The following STK32A variants were observed in gnomAD, a reference collection of about 807,000 sequenced individuals.
STK32A encodes serine/threonine-protein kinase 32A.
A neutral mutation model predicts 53.2 loss-of-function variants in STK32A; 41 were observed. That is an observed-to-expected ratio of 0.77 (90% CI 0.60 to 1.00). The LOEUF is 1.00. Ranked by LOEUF, STK32A falls within the 50% of genes least tolerant of loss-of-function variation. The pLI, the probability that STK32A is intolerant of heterozygous loss-of-function variation, is 0.00. For missense variants in STK32A, 458 were observed against 485.8 expected (o/e 0.94, Z 0.54); for synonymous variants, 166 against 162.8 (o/e 1.02, Z -0.15).
At chr5:147,320,037 A>T (rs1011243781) in intron 4 of STK32A, among the ~76,000 whole-genome samples, 19 of 96,246 alleles carry the variant, frequency 2.0e-4, no homozygotes, top group African/African-American at 5.7e-4. Context: ...GTATATTCAT[A>T]AAAAAAATCA....
At chr5:147,286,446 TTTAGTCGGAC>T (rs1312177900) in intron 4 of STK32A, among the ~76,000 whole-genome samples, 2 of 152,002 alleles carry the variant, frequency 1.3e-5, no homozygotes, top group Admixed American at 6.6e-5. Context: ...CCACATTAGG[TTTAGTCGGAC>T]TTAGCCAGCT....
chr5:147,259,989 CCT>C (rs1226876825), intron 2 of STK32A, among the ~76,000 whole-genome samples: 6 of 138,408 alleles, frequency 4.3e-5, no homozygotes, highest in African/African-American at 1.1e-4. Context: ...GTCTCTTTGT[CCT>C]CTCTCTCTTT....
At chr5:147,344,078 C>T (rs1755568643) in intron 6 of STK32A, among the ~76,000 whole-genome samples, 2 of 152,134 alleles carry the variant, frequency 1.3e-5, no homozygotes, top group South Asian at 4.1e-4. Flanking sequence ...TAAATGTTAA[C>T]AGTGTCAATA....
intron 5 of STK32A, 31 bp from the exon 6 acceptor site, chr5:147,342,975 G>T (rs1334404276): frequency 6.2e-7 from 1 of 1,611,850 alleles, no homozygotes; most frequent in Non-Finnish European, 8.5e-7. Context: ...TTTATTGTGA[G>T]CAACTTTCTT....
intron 6 of STK32A, among the ~76,000 whole-genome samples, chr5:147,350,518 C>A (rs148448763): frequency 6.6e-6 from 1 of 151,878 alleles, no homozygotes; most frequent in African/African-American, 2.4e-5. Flanking sequence ...CCCATCACCA[C>A]GCCCAGCTAA....
intron 7 of STK32A, among the ~76,000 whole-genome samples, chr5:147,355,814 ATAAGT>A (rs2151995687): frequency 6.6e-6 from 1 of 151,462 alleles, no homozygotes; most frequent in Non-Finnish European, 1.5e-5. Context: ...ATATATATAA[ATAAGT>A]TCACTATGGA....
Position 147,279,388 on chromosome 5 carries a change from G to A in STK32A, c.250G>A (p.Val84Ile). Residue 84 changes from valine (V) to isoleucine (I), a missense_variant, in exon 4 of 13, where the codon GTT (valine) becomes ATT (isoleucine). Physicochemically the swap from Val to Ile is conservative, Grantham distance 29 (BLOSUM62 3). Transcript: ENST00000397936. ...GCAGGGTCTGGAGCACCCTTTCCTG[G>A]TTAATTTGTGGTGAGTAATTTTACT... ...IMQGLEHPFL[V>I]NLWYSFQDEE... 6.3e-7 allele frequency: 1 copy of A among 1,583,614 alleles called. No homozygotes were observed. Among genetic ancestry groups the A allele is most frequent in the Non-Finnish European group, 8.6e-7 (1 of 1,164,246 alleles).
chr5:147,393,902 A>C, the STK32A span: 7 of 887,140 alleles, frequency 7.9e-6, no homozygotes, highest in Non-Finnish European at 1.2e-5. Flanking sequence ...TTGGAGAAAC[A>C]TAAGGCTTGA....
At chr5:147,248,759 A>G (rs1185522480) in intron 2 of STK32A, among the ~76,000 whole-genome samples, 1 of 152,182 alleles carries the variant, frequency 6.6e-6, no homozygotes, top group Non-Finnish European at 1.5e-5. Context: ...TTCCTGGGGC[A>G]CGTGTTTTAT....
rs116314238 is a variant in STK32A at position 147,291,490 on chromosome 5, C to T, written c.260+12092C>T. 6.0e-3 allele frequency among the ~76,000 whole-genome samples: 908 copies of T among 150,968 alleles called. 4 individuals are homozygous for T. Among genetic ancestry groups the T allele is most frequent in the Non-Finnish European group, 9.9e-3 (674 of 67,888 alleles). The stretch of plus-strand genomic sequence containing the variant: ...CAGAATACCATGCAGTTAGTTTTCT[C>T]GGAATAAGTAAAACAATGAGCTATA... On this transcript the variant is annotated intron_variant, in intron 4 of 12. Coordinates refer to ENST00000397936, the MANE Select transcript of STK32A (RefSeq NM_001112724.2).
At chr5:147,376,497 C>A (rs114091462) in intron 11 of STK32A, among the ~76,000 whole-genome samples, 2,036 of 152,202 alleles carry the variant, frequency 0.013, 31 homozygotes, top group African/African-American at 0.047. Flanking sequence ...ACCAAGAGAT[C>A]CTTTTTATTA....
In STK32A at chr5:147,341,175, G is replaced by A. The variant is rs1755385353; in HGVS notation, c.435-1831G>A. On this transcript the variant is annotated intron_variant, in intron 5 of 12. Coordinates refer to ENST00000397936, the MANE Select transcript of STK32A (RefSeq NM_001112724.2). The stretch of plus-strand genomic sequence containing the variant: ...CTCTCTCAACTCTCATCCATCTTTG[G>A]TAGGGCTCCTCTGGGCCTCTTTTTC... Among the ~76,000 whole-genome samples, 3 of 152,056 alleles carry A rather than the reference G, an allele frequency of 2.0e-5. No homozygotes were observed. The South Asian group carries it at 6.2e-4, about 32-fold the overall frequency.
intron 2 of STK32A, among the ~76,000 whole-genome samples, chr5:147,242,140 C>T (rs1360527564): frequency 6.6e-6 from 1 of 152,194 alleles, no homozygotes; most frequent in Non-Finnish European, 1.5e-5. Context: ...ACCACCTTTT[C>T]TGTTGTCTGG....
At chr5:147,285,624 C>T (rs1322835267) in intron 4 of STK32A, among the ~76,000 whole-genome samples, 1 of 152,004 alleles carries the variant, frequency 6.6e-6, no homozygotes, top group Admixed American at 6.6e-5. Flanking sequence ...AAAAAGTGGG[C>T]TAAGGACATG....
In STK32A at chr5:147,260,339, A is replaced by ACT. The variant is rs550769993; in HGVS notation, c.53-17774_53-17773dup. 5.2e-4 allele frequency among the ~76,000 whole-genome samples: 64 copies of ACT among 122,738 alleles called. 2 individuals carry two copies. The highest frequency in any genetic ancestry group is 4.1e-3 in the Admixed American group (51 of 12,364). The allele number at this position is 122,738 out of a possible 152,430, so 80.5% of individuals were successfully genotyped here. ...TCTCTTCTCCGTCTCTATCTGTCTC[A>ACT]CTCTCTCTCTCTGCTGGTCTTTCCT... On this transcript the variant is annotated intron_variant, in intron 2 of 12. Transcript: ENST00000397936.
intron 8 of STK32A, among the ~76,000 whole-genome samples, chr5:147,363,981 T>C (rs1721557725): frequency 6.6e-6 from 1 of 152,088 alleles, no homozygotes; most frequent in Non-Finnish European, 1.5e-5. Context: ...TTTAGAAGGC[T>C]GAGGCGGGCA....
chr5:147,242,991 T>C (rs760668484), intron 2 of STK32A, among the ~76,000 whole-genome samples: 1 of 152,192 alleles, frequency 6.6e-6, no homozygotes, highest in Non-Finnish European at 1.5e-5. Flanking sequence ...CATATTTTTA[T>C]ATACATAATC....
chr5:147,332,553 A>G (rs1401878904), intron 5 of STK32A, among the ~76,000 whole-genome samples: 2 of 151,994 alleles, frequency 1.3e-5, no homozygotes, highest in Non-Finnish European at 1.5e-5. Flanking sequence ...AAAAGTTTCT[A>G]TTTGTTGCAG....
intron 5 of STK32A, among the ~76,000 whole-genome samples, chr5:147,340,630 A>C (rs1054698287): frequency 6.6e-6 from 1 of 152,184 alleles, no homozygotes; most frequent in Non-Finnish European, 1.5e-5. Flanking sequence ...TTACCCTATT[A>C]TATTTTGGAG....
Sources: gnomAD v4.1 joint callset for allele counts (sites outside exome capture counted in the v4.1 genomes callset) on GRCh38, gnomAD v4.1.1 for gene constraint, MANE v1.5 for transcripts, NCBI Gene and HGNC (gene_info 2026-07-23, HGNC 2026-07-21) for gene names.